PPARGC1A: variants seen among roughly 807,000 people sequenced by gnomAD.
PPARGC1A encodes the protein peroxisome proliferator-activated receptor gamma coactivator 1-alpha.
In PPARGC1A, 25 loss-of-function variants were observed where a neutral mutation model predicts 88.7. The ratio of observed to expected loss-of-function variants is 0.28; its 90% CI spans 0.21 to 0.39. The LOEUF is 0.39. Among genes scored for constraint, PPARGC1A ranks in the 10% least tolerant of loss-of-function variants. The probability of loss-of-function intolerance (pLI) is 1.00; values close to 1 mark genes in which losing one functional copy is unlikely to be tolerated. For synonymous variants in PPARGC1A, 363 were observed against 355.6 expected (o/e 1.02, Z -0.24); for missense variants, 880 against 968.7 (o/e 0.91, Z 1.22).
the PPARGC1A span, among the ~76,000 whole-genome samples, chr4:24,190,792 C>T: frequency 6.6e-6 from 1 of 152,158 alleles, no homozygotes; most frequent in Non-Finnish European, 1.5e-5. Context: ...AGGCAAACTC[C>T]AGCCAGTGTT....
chr4:24,382,482 C>T, the PPARGC1A span, among the ~76,000 whole-genome samples: 1 of 152,002 alleles, frequency 6.6e-6, no homozygotes, highest in African/African-American at 2.4e-5. Context: ...GGGACCAAAA[C>T]CAATGGAAAG....
At chr4:24,185,470 T>C in the PPARGC1A span, among the ~76,000 whole-genome samples, 1 of 152,280 alleles carries the variant, frequency 6.6e-6, no homozygotes, top group Non-Finnish European at 1.5e-5. Context: ...AATTGCAGTA[T>C]TCTGAACATA....
the PPARGC1A span, among the ~76,000 whole-genome samples, chr4:24,188,447 C>T: frequency 6.6e-6 from 1 of 152,118 alleles, no homozygotes; most frequent in Non-Finnish European, 1.5e-5. Context: ...GTATGTAATA[C>T]CGCTGAACTA....
chr4:24,005,353 T>C, the PPARGC1A span, among the ~76,000 whole-genome samples: 2 of 152,174 alleles, frequency 1.3e-5, no homozygotes, highest in Non-Finnish European at 2.9e-5. Flanking sequence ...GTCCCGGGCA[T>C]GGTTAAGAAT....
At chr4:24,389,753 TA>T in the PPARGC1A span, among the ~76,000 whole-genome samples, 1 of 152,184 alleles carries the variant, frequency 6.6e-6, no homozygotes, top group Non-Finnish European at 1.5e-5. Flanking sequence ...CTGATTGTGC[TA>T]CAACTCTGTG....
At chr4:23,916,487 T>C in the PPARGC1A span, among the ~76,000 whole-genome samples, 1 of 152,238 alleles carries the variant, frequency 6.6e-6, no homozygotes, top group Non-Finnish European at 1.5e-5. Flanking sequence ...TGCAGATTTA[T>C]ATGTGCATGT....
the PPARGC1A span, among the ~76,000 whole-genome samples, chr4:24,317,715 T>C: frequency 6.6e-6 from 1 of 151,930 alleles, no homozygotes; most frequent in African/African-American, 2.4e-5. Context: ...CTGTGGCTGC[T>C]GTTCTCCACA....
chr4:23,813,230 C>A, intron 8 of PPARGC1A, 105 bp from the exon 9 acceptor site: 1 of 933,478 alleles, frequency 1.1e-6, no homozygotes, highest in Non-Finnish European at 1.7e-6. Flanking sequence ...CAGAGACTGG[C>A]TTTTTCTTCC....
chr4:24,470,337 G>A, the PPARGC1A span, among the ~76,000 whole-genome samples: 1 of 91,732 alleles, frequency 1.1e-5, no homozygotes, highest in Admixed American at 1.1e-4. The surrounding 1 kb of genome is among the most constrained non-coding windows in gnomAD (Gnocchi z 5.8). Context: ...CTCTCACACA[G>A]GCAGGCACGC....
the PPARGC1A span, among the ~76,000 whole-genome samples, chr4:24,281,089 G>T: frequency 1.1e-4 from 17 of 152,218 alleles, no homozygotes; most frequent in African/African-American, 3.9e-4. Context: ...TTAGGAACTA[G>T]AAGGAGGTAT....
intron 2 of PPARGC1A, among the ~76,000 whole-genome samples, chr4:23,859,147 T>C (rs982760560): frequency 3.3e-5 from 5 of 152,118 alleles, no homozygotes; most frequent in African/African-American, 9.7e-5. Flanking sequence ...TCCCAGGGAA[T>C]GTAGTAAGAG....
the PPARGC1A span, among the ~76,000 whole-genome samples, chr4:24,269,979 T>A: frequency 6.6e-6 from 1 of 152,236 alleles, no homozygotes; most frequent in Non-Finnish European, 1.5e-5. Context: ...CACCCAGCTC[T>A]ATGGTTAAAT....
intron 11 of PPARGC1A, 40 bp downstream of exon 11, chr4:23,802,184 C>T (rs369773638): frequency 1.1e-5 from 17 of 1,612,964 alleles, no homozygotes; most frequent in African/African-American, 2.7e-5. Flanking sequence ...TTTTTACATA[C>T]GTCAGCTTCT....
At chr4:24,369,933 G>T in the PPARGC1A span, among the ~76,000 whole-genome samples, 1 of 152,174 alleles carries the variant, frequency 6.6e-6, no homozygotes, top group Non-Finnish European at 1.5e-5. Context: ...CTAGTAGGTG[G>T]GCTCCCACAG....
At chr4:24,012,397 A>G in the PPARGC1A span, among the ~76,000 whole-genome samples, 1 of 152,062 alleles carries the variant, frequency 6.6e-6, no homozygotes, top group Non-Finnish European at 1.5e-5. Flanking sequence ...TTTGATTTCT[A>G]CTATTCACTC....
the PPARGC1A span, among the ~76,000 whole-genome samples, chr4:24,181,356 C>A: frequency 6.6e-6 from 1 of 152,112 alleles, no homozygotes; most frequent in African/African-American, 2.4e-5. Flanking sequence ...TATTATTAGT[C>A]ATTTAGTTTT....
the PPARGC1A span, among the ~76,000 whole-genome samples, chr4:24,355,340 C>CA: frequency 6.6e-5 from 10 of 152,042 alleles, no homozygotes; most frequent in African/African-American, 2.4e-4. Flanking sequence ...AACAAACAAA[C>CA]AAAAAAGGCA....
At chr4:23,799,710 G>A (rs1301325641) in intron 12 of PPARGC1A, among the ~76,000 whole-genome samples, 5 of 152,148 alleles carry the variant, frequency 3.3e-5, no homozygotes, top group Non-Finnish European at 5.9e-5. Context: ...TAACGAGAGA[G>A]GAAGCATCCT....
the PPARGC1A span, among the ~76,000 whole-genome samples, chr4:24,022,327 C>T: frequency 0.02 from 3,103 of 152,192 alleles, 113 homozygotes; most frequent in African/African-American, 0.071. Context: ...CTCTCTCCAA[C>T]TATGTCTTTC....
Sources: gnomAD v4.1 joint callset for allele counts (sites outside exome capture counted in the v4.1 genomes callset) on GRCh38, gnomAD v4.1.1 for gene constraint, Gnocchi (gnomAD v3.1) non-coding constraint, MANE v1.5 for transcripts, NCBI Gene and HGNC (gene_info 2026-07-23, HGNC 2026-07-21) for gene names.